C12orf56: variants seen among roughly 807,000 people sequenced by gnomAD.
C12orf56 encodes chromosome 12 open reading frame 56.
C12orf56 carries 71 observed loss-of-function variants against 69.9 expected under a neutral mutation model. The ratio of observed to expected loss-of-function variants is 1.02; its 90% CI spans 0.84 to 1.24. C12orf56 has a LOEUF of 1.24. Among genes scored for constraint, C12orf56 ranks in the 50% most tolerant of loss-of-function variants. The pLI is 0.00. For missense variants in C12orf56, 732 were observed against 738.5 expected, an observed-to-expected ratio of 0.99 and a Z score of 0.10; for synonymous variants, 276 against 274.1, an observed-to-expected ratio of 1.01 and a Z score of -0.07.
At chr12:64,380,127 A>C (rs2039698356) in intron 1 of C12orf56, among the ~76,000 whole-genome samples, 9 of 53,022 alleles carry the variant, frequency 1.7e-4, no homozygotes, top group African/African-American at 3.0e-4. Context: ...AAAAAAAAAA[A>C]AAAAAAACAA....
intron 1 of C12orf56, among the ~76,000 whole-genome samples, chr12:64,371,798 C>T (rs1477152980): frequency 2.6e-5 from 4 of 152,016 alleles, no homozygotes; most frequent in Non-Finnish European, 4.4e-5. Flanking sequence ...CCATTGCACT[C>T]CAGCCTGGGT....
chr12:64,359,795 C>A (rs1358379265), intron 1 of C12orf56, among the ~76,000 whole-genome samples: 1 of 152,080 alleles, frequency 6.6e-6, no homozygotes, highest in Non-Finnish European at 1.5e-5. Flanking sequence ...CTCACTGCAA[C>A]CTCCTCTTCC....
chr12:64,310,653 A>C (rs1381046180), intron 5 of C12orf56, among the ~76,000 whole-genome samples: 1 of 151,242 alleles, frequency 6.6e-6, no homozygotes, highest in Non-Finnish European at 1.5e-5. Flanking sequence ...ATCATTATAC[A>C]CTTCTGAATT....
At position 64,266,950 on chromosome 12, in the gene C12orf56, C is replaced by A; in HGVS notation, c.*233G>T. 2.3e-6 allele frequency: 1 copy of A among 432,294 alleles called. No homozygotes were observed. Among genetic ancestry groups the A allele is most frequent in the East Asian group, 4.1e-5 (1 of 24,594 alleles). 26.8% of individuals were successfully genotyped at this position (432,294 alleles called of 1,614,324 possible). A position where few individuals can be genotyped will look rare whatever the true frequency, so the allele number is the denominator to read the frequency against. On this transcript the variant is annotated 3_prime_UTR_variant, in exon 13 of 13. Transcript: ENST00000543942. ...GAACTACTCTAATAAAGAAATGGCTCTTTTGCCCAATGGCATAAAGATCTT... is the reference window on the plus strand; with the variant it reads ...GAACTACTCTAATAAAGAAATGGCTATTTTGCCCAATGGCATAAAGATCTT...
chr12:64,322,178 C>G (rs2038782203), intron 3 of C12orf56, among the ~76,000 whole-genome samples: 1 of 151,680 alleles, frequency 6.6e-6, no homozygotes, highest in East Asian at 1.9e-4. Flanking sequence ...TCCTCTCCTT[C>G]TAAGACTCTG....
Position 64,390,520 on chromosome 12 carries a change from G to A in C12orf56, c.46C>T (p.Arg16Cys), listed in dbSNP as rs749834363. The A allele has an allele frequency of 1.3e-6, 2 of 1,598,076 alleles. No individual in the cohort carries two copies. Among genetic ancestry groups the A allele is most frequent in the Non-Finnish European group, 1.7e-6 (2 of 1,178,664 alleles). The stretch of plus-strand genomic sequence containing the variant: ...TGCCGCCGCAGGAACACATCCAGGC[G>A]GCTGTTCCTGCGCGCGGGGAAGCCG... The part of the protein sequence containing the change: ...PSGFPARRNS[R>C]LDVFLRRHLP... Residue 16 changes from arginine to cysteine, a missense_variant, in exon 1 of 13, where the codon CGC becomes TGC. Physicochemically the swap from Arg to Cys is radical, Grantham distance 180. Transcript: ENST00000543942.
At chr12:64,314,523 G>A (rs999121138) in intron 4 of C12orf56, among the ~76,000 whole-genome samples, 2 of 151,910 alleles carry the variant, frequency 1.3e-5, no homozygotes, top group Non-Finnish European at 2.9e-5. Context: ...TTTATTCTGG[G>A]TCCTCAAAAT....
intron 3 of C12orf56, among the ~76,000 whole-genome samples, chr12:64,320,314 A>G (rs1328278057): frequency 1.3e-5 from 2 of 152,048 alleles, no homozygotes; most frequent in Non-Finnish European, 2.9e-5. Context: ...TCATCTTGGG[A>G]GCTCTGGGAG....
intron 2 of C12orf56, among the ~76,000 whole-genome samples, chr12:64,334,262 G>C (rs899614207): frequency 1.2e-4 from 18 of 152,178 alleles, no homozygotes; most frequent in Admixed American, 1.3e-4. Flanking sequence ...AAACCTGAGA[G>C]ACTCATCAGT....
chr12:64,354,433 G>A (rs1170389543), intron 1 of C12orf56, among the ~76,000 whole-genome samples: 1 of 151,870 alleles, frequency 6.6e-6, no homozygotes, highest in African/African-American at 2.4e-5. Flanking sequence ...AACCCACTCT[G>A]AGCAACATAG....
chr12:64,356,170 CAAAAAAAAAAAAAAAA>C (rs761289428), intron 1 of C12orf56, among the ~76,000 whole-genome samples: 1 of 48,432 alleles, frequency 2.1e-5, no homozygotes, highest in Non-Finnish European at 3.9e-5. Flanking sequence ...GACTCCATCT[CAAAAAAAAAAAAAAAA>C]AAAAAAAAAA....
chr12:64,342,076 A>G (rs527308784), intron 2 of C12orf56, among the ~76,000 whole-genome samples: 1 of 152,304 alleles, frequency 6.6e-6, no homozygotes, highest in Admixed American at 6.5e-5. Context: ...GAGCACTCAC[A>G]TGGGATACAA....
At chr12:64,372,339 C>T (rs565495131) in intron 1 of C12orf56, among the ~76,000 whole-genome samples, 17 of 152,132 alleles carry the variant, frequency 1.1e-4, no homozygotes, top group Admixed American at 1.0e-3. Flanking sequence ...ATCATATAAA[C>T]TGATTTGTAG....
At position 64,270,408 on chromosome 12, in the gene C12orf56, A is replaced by G. The variant is rs1445509620; in HGVS notation, c.1763+128T>C. ...AGAGCAAGACTCCATCTCAAAAAGAACAAACAAACAAAAAAGAATTCCTGA... is the reference window on the plus strand; with the variant it reads ...AGAGCAAGACTCCATCTCAAAAAGAGCAAACAAACAAAAAAGAATTCCTGA... On this transcript the variant is annotated intron_variant, in intron 12 of 12. Transcript: ENST00000543942. The G allele has an allele frequency of 9.0e-6, 8 of 887,794 alleles. No individual in the cohort carries two copies. In the African/African-American group the frequency reaches 1.4e-4, roughly 15 times the overall value. 55.0% of individuals were successfully genotyped at this position (887,794 alleles called of 1,614,324 possible).
chr12:64,375,284 G>T (rs2039625829), intron 1 of C12orf56, among the ~76,000 whole-genome samples: 1 of 151,796 alleles, frequency 6.6e-6, no homozygotes, highest in African/African-American at 2.4e-5. Context: ...TGAACTCCTG[G>T]CCTCAAGTGA....
intron 1 of C12orf56, among the ~76,000 whole-genome samples, chr12:64,371,151 G>A (rs1214607308): frequency 6.6e-6 from 1 of 152,070 alleles, no homozygotes; most frequent in Admixed American, 6.6e-5. Context: ...ACTGTAATCC[G>A]AGCACTTTGG....
At chr12:64,383,254 T>C (rs1189932525) in intron 1 of C12orf56, among the ~76,000 whole-genome samples, 1 of 151,312 alleles carries the variant, frequency 6.6e-6, no homozygotes. Context: ...GAGGTCTAGG[T>C]TGCAGTGAGC....
Position 64,358,482 on chromosome 12 carries a change from A to AATAATAATAATAATAATCATCATC in C12orf56, c.253-5427_253-5426insGATGATGATTATTATTATTATTAT, listed in dbSNP as rs11275269. 3.4e-3 allele frequency among the ~76,000 whole-genome samples: 432 copies of AATAATAATAATAATAATCATCATC among 125,916 alleles called. 4 individuals carry two copies. The highest frequency in any genetic ancestry group is 0.011 in the African/African-American group (375 of 33,222). The allele number at this position is 125,916 out of a possible 152,430, so 82.6% of individuals were successfully genotyped here. A position where few individuals can be genotyped will look rare whatever the true frequency, so the allele number is the denominator to read the frequency against. The stretch of plus-strand genomic sequence containing the variant: ...CAAAAGTAATAATAATAATAATAAT[A>AATAATAATAATAATAATCATCATC]ATCATCATCATCATCATCATCATCA... On this transcript the variant is annotated intron_variant, in intron 1 of 12. Coordinates refer to ENST00000543942, the MANE Select transcript of C12orf56 (RefSeq NM_001170633.2).
chr12:64,342,909 C>A (rs148690769), intron 2 of C12orf56, among the ~76,000 whole-genome samples: 151 of 152,330 alleles, frequency 9.9e-4, no homozygotes, highest in Middle Eastern at 3.4e-3. Flanking sequence ...GCTCAAGCAC[C>A]ATTGGATCTG....
Sources: gnomAD v4.1 joint callset for allele counts (sites outside exome capture counted in the v4.1 genomes callset) on GRCh38, gnomAD v4.1.1 for gene constraint, MANE v1.5 for transcripts, NCBI Gene and HGNC (gene_info 2026-07-23, HGNC 2026-07-21) for gene names.